The following SNTG1 variants were observed in gnomAD, a reference collection of about 807,000 sequenced individuals.
SNTG1 encodes the protein gamma-1-syntrophin.
SNTG1 carries 39 observed loss-of-function variants against 74.7 expected under a neutral mutation model. The observed-to-expected ratio is 0.52, with a 90% CI of 0.40 to 0.68. The LOEUF is 0.68. Ranked by LOEUF, SNTG1 falls within the 30% of genes least tolerant of loss-of-function variation. The probability of loss-of-function intolerance (pLI) is 0.00; values close to 1 mark genes in which losing one functional copy is unlikely to be tolerated. For synonymous variants in SNTG1, 254 were observed against 217.1 expected (o/e 1.17, Z -1.49); for missense variants, 685 against 609.5 (o/e 1.12, Z -1.30).
intron 1 of SNTG1, among the ~76,000 whole-genome samples, chr8:50,033,398 A>G (rs1817898405): frequency 6.6e-6 from 1 of 152,170 alleles, no homozygotes; most frequent in Admixed American, 6.5e-5. Context: ...TTCTGGGATT[A>G]CAGGGGTGAG....
intron 2 of SNTG1, among the ~76,000 whole-genome samples, chr8:50,368,323 A>C (rs1052812684): frequency 6.6e-6 from 1 of 152,180 alleles, no homozygotes; most frequent in Admixed American, 6.5e-5. Flanking sequence ...TTTTAAGCAA[A>C]GTGTTGAAAG....
At chr8:50,545,596 A>G (rs1259719385) in intron 11 of SNTG1, among the ~76,000 whole-genome samples, 1 of 140,476 alleles carries the variant, frequency 7.1e-6, no homozygotes, top group Non-Finnish European at 1.5e-5. Context: ...TTATAAAATG[A>G]ATTTTAATAA....
At chr8:49,919,848 G>A (rs1292500017) in intron 1 of SNTG1, among the ~76,000 whole-genome samples, 1 of 151,870 alleles carries the variant, frequency 6.6e-6, no homozygotes, top group African/African-American at 2.4e-5. Flanking sequence ...TCCTGGTCTG[G>A]TTTTAATCTT....
intron 2 of SNTG1, among the ~76,000 whole-genome samples, chr8:50,367,807 C>G (rs1453551726): frequency 6.6e-6 from 1 of 151,954 alleles, no homozygotes; most frequent in East Asian, 1.9e-4. Flanking sequence ...ACACATGCAC[C>G]CTACTGGTTT....
At chr8:50,302,012 A>C (rs1191068811) in intron 2 of SNTG1, among the ~76,000 whole-genome samples, 1 of 151,646 alleles carries the variant, frequency 6.6e-6, no homozygotes, top group Non-Finnish European at 1.5e-5. Flanking sequence ...GCCTGCCACC[A>C]CGCCCAGCTA....
intron 1 of SNTG1, among the ~76,000 whole-genome samples, chr8:50,105,009 G>T (rs1027705403): frequency 6.6e-6 from 1 of 152,004 alleles, no homozygotes; most frequent in Non-Finnish European, 1.5e-5. Flanking sequence ...TCTGTTGATG[G>T]TTTCTTTTGC....
intron 2 of SNTG1, among the ~76,000 whole-genome samples, chr8:50,334,796 T>A (rs761507121): frequency 4.6e-5 from 7 of 152,188 alleles, no homozygotes; most frequent in Admixed American, 3.9e-4. Context: ...TGAACAATAT[T>A]TCTCCAAGCA....
intron 1 of SNTG1, among the ~76,000 whole-genome samples, chr8:49,923,791 G>A (rs1312502015): frequency 6.6e-6 from 1 of 152,150 alleles, no homozygotes; most frequent in Non-Finnish European, 1.5e-5. Flanking sequence ...CAAAGAGTTT[G>A]TGAGCTGTAT....
intron 1 of SNTG1, among the ~76,000 whole-genome samples, chr8:50,104,379 T>G (rs2080280043): frequency 6.6e-6 from 1 of 152,204 alleles, no homozygotes; most frequent in Non-Finnish European, 1.5e-5. Context: ...CTGATGGTAG[T>G]TTGTATTTCT....
At chr8:50,660,024 G>A (rs1246149599) in intron 15 of SNTG1, among the ~76,000 whole-genome samples, 1 of 152,036 alleles carries the variant, frequency 6.6e-6, no homozygotes, top group Non-Finnish European at 1.5e-5. Flanking sequence ...CATTTTAGTA[G>A]AGACAGGGTT....
intron 9 of SNTG1, among the ~76,000 whole-genome samples, chr8:50,525,699 G>T (rs929072500): frequency 6.6e-6 from 1 of 151,718 alleles, no homozygotes; most frequent in African/African-American, 2.4e-5. Flanking sequence ...ATTTCTGTGT[G>T]GGTTTCTTGT....
chr8:50,120,437 C>G (rs1935878438), intron 1 of SNTG1, among the ~76,000 whole-genome samples: 1 of 139,992 alleles, frequency 7.1e-6, no homozygotes, highest in South Asian at 2.7e-4. Flanking sequence ...ACTACTACCA[C>G]CACCACCCTA....
intron 2 of SNTG1, among the ~76,000 whole-genome samples, chr8:50,350,090 C>T (rs1195627792): frequency 1.3e-5 from 2 of 152,168 alleles, no homozygotes; most frequent in Non-Finnish European, 2.9e-5. Flanking sequence ...CATTGGGTCC[C>T]CCAGCAGCGC....
intron 11 of SNTG1, among the ~76,000 whole-genome samples, chr8:50,547,147 G>A (rs2094393991): frequency 6.6e-6 from 1 of 152,154 alleles, no homozygotes; most frequent in African/African-American, 2.4e-5. Flanking sequence ...TGATGCGGCA[G>A]CTGCCCCTGC....
intron 2 of SNTG1, among the ~76,000 whole-genome samples, chr8:50,208,818 T>C (rs4873424): frequency 0.43 from 65,479 of 151,982 alleles, 17,855 homozygotes; most frequent in African/African-American, 0.78. Flanking sequence ...CAGTCTGCAG[T>C]TCCCAGCGTG....
intron 2 of SNTG1, among the ~76,000 whole-genome samples, chr8:50,297,046 C>T (rs1344428092): frequency 1.3e-5 from 2 of 152,164 alleles, no homozygotes; most frequent in East Asian, 3.9e-4. Flanking sequence ...GATTAGAATA[C>T]ATGGCAGTGC....
At chr8:50,053,167 G>C (rs1445546906) in intron 1 of SNTG1, among the ~76,000 whole-genome samples, 1 of 152,042 alleles carries the variant, frequency 6.6e-6, no homozygotes, top group Non-Finnish European at 1.5e-5. Flanking sequence ...GTTACAAAGT[G>C]GAAATGATCC....
intron 11 of SNTG1, among the ~76,000 whole-genome samples, chr8:50,542,678 A>G (rs552620019): frequency 3.9e-5 from 6 of 152,278 alleles, no homozygotes; most frequent in Non-Finnish European, 5.9e-5. Flanking sequence ...ACTGTTCTGA[A>G]GTAGTGGTTG....
At chr8:50,552,077 C>T (rs2094430495) in intron 11 of SNTG1, among the ~76,000 whole-genome samples, 1 of 152,148 alleles carries the variant, frequency 6.6e-6, no homozygotes, top group South Asian at 2.1e-4. Context: ...ACACATTTTA[C>T]ATAGCATTTT....
Sources: gnomAD v4.1 joint callset for allele counts (sites outside exome capture counted in the v4.1 genomes callset) on GRCh38, gnomAD v4.1.1 for gene constraint, MANE v1.5 for transcripts, NCBI Gene and HGNC (gene_info 2026-07-23, HGNC 2026-07-21) for gene names.